PKN2: variants seen among roughly 807,000 people sequenced by gnomAD.
PKN2 encodes serine/threonine-protein kinase N2.
A neutral mutation model predicts 119.1 loss-of-function variants in PKN2; 38 were observed. The observed-to-expected ratio is 0.32, with a 90% CI of 0.25 to 0.42. The LOEUF (loss-of-function observed/expected upper bound fraction) is 0.42, where lower values mean the gene tolerates loss of function less well. Among genes scored for constraint, PKN2 ranks in the 10% least tolerant of loss-of-function variants. The pLI is 1.00. For synonymous variants in PKN2, 390 were observed against 384.9 expected (o/e 1.01, Z -0.15); for missense variants, 850 against 1,165.1 (o/e 0.73, Z 3.94).
Position 88,821,989 on chromosome 1 carries a change from CA to C in PKN2, c.2332del (p.Ile778LeufsTer6). 1 of 1,571,514 alleles carries C rather than the reference CA, an allele frequency of 6.4e-7. No individual in the cohort carries two copies. The highest frequency in any genetic ancestry group is 1.9e-5 in the Admixed American group (1 of 53,126). On this transcript the variant is annotated frameshift_variant, in exon 17 of 22. Coordinates refer to ENST00000370521, the MANE Select transcript of PKN2 (RefSeq NM_006256.4). LOFTEE classifies it high-confidence loss of function. ...VLGLQYLHEHKIVYRDLKLDN... is the reference protein window; with the variant it reads ...VLGLQYLHEHXIVYRDLKLDN... ...TTGGGTTGCAGTATTTACATGAACA[CA>C]AAATTGTTTATAGGTAAGTTAATTT...
intron 6 of PKN2, among the ~76,000 whole-genome samples, chr1:88,772,582 C>T (rs1164222867): frequency 1.3e-5 from 2 of 152,164 alleles, no homozygotes; most frequent in African/African-American, 4.8e-5. Context: ...ACCTATTTGT[C>T]AGAGCATATG....
chr1:88,770,513 T>C, intron 4 of PKN2, 44 bp downstream of exon 4: 2 of 990,292 alleles, frequency 2.0e-6, no homozygotes, highest in East Asian at 4.8e-5. Context: ...ATAATGGTGC[T>C]AAATAATCTT....
Position 88,684,487 on chromosome 1 carries a change from C to A in PKN2, c.-94C>A. ...TAGTTGTTTTTTTTTTTTTCTTTCT[C>A]TCCCCTCTCCTCACCCCCACCCCGA... On this transcript the variant is annotated 5_prime_UTR_variant, in exon 1 of 22. Coordinates refer to ENST00000370521, the MANE Select transcript of PKN2 (RefSeq NM_006256.4). The A allele has an allele frequency of 2.1e-5, 17 of 800,120 alleles. No individual in the cohort carries two copies. The highest frequency in any genetic ancestry group is 3.2e-5 in the Admixed American group (1 of 31,518). The allele number at this position is 800,120 out of a possible 1,614,324, so 49.6% of individuals were successfully genotyped here.
Position 88,828,477 on chromosome 1 carries a change from C to T in PKN2, c.2420-4C>T. The T allele has an allele frequency of 6.4e-7, 1 of 1,574,584 alleles. No individual in the cohort carries two copies. The highest frequency in any genetic ancestry group is 2.3e-5 in the East Asian group (1 of 44,154). On this transcript the variant is annotated splice_region_variant and splice_polypyrimidine_tract_variant and intron_variant, in intron 18 of 21. Coordinates refer to ENST00000370521, the MANE Select transcript of PKN2 (RefSeq NM_006256.4). ...AACAAATGTTTACATTTTATCTTTT[C>T]CAGGAATGGGATATGGAGATAGAAC...
intron 1 of PKN2, among the ~76,000 whole-genome samples, chr1:88,703,310 G>C (rs1319380244): frequency 6.6e-6 from 1 of 152,000 alleles, no homozygotes; most frequent in Non-Finnish European, 1.5e-5. Flanking sequence ...TCTAAAACGT[G>C]CAGATAGTTT....
At chr1:88,777,846 G>C (rs571333961) in intron 6 of PKN2, among the ~76,000 whole-genome samples, 12 of 152,256 alleles carry the variant, frequency 7.9e-5, no homozygotes, top group Non-Finnish European at 1.3e-4. Context: ...CCTTAAGACT[G>C]ACTGAACAGA....
intron 19 of PKN2, among the ~76,000 whole-genome samples, chr1:88,831,668 C>T (rs978844993): frequency 1.3e-5 from 2 of 151,834 alleles, no homozygotes; most frequent in African/African-American, 4.8e-5. Flanking sequence ...GCTCACTTTC[C>T]CTGGATATTG....
At chr1:88,743,049 A>G (rs923191269) in intron 2 of PKN2, among the ~76,000 whole-genome samples, 2 of 152,220 alleles carry the variant, frequency 1.3e-5, no homozygotes, top group East Asian at 3.9e-4. Flanking sequence ...AAATTAGTCG[A>G]CGTGGTGGCG....
chr1:88,793,302 A>G (rs558964111), intron 8 of PKN2, among the ~76,000 whole-genome samples: 1 of 152,284 alleles, frequency 6.6e-6, no homozygotes, highest in African/African-American at 2.4e-5. Context: ...ACATATATGC[A>G]TTCATGACAT....
intron 2 of PKN2, among the ~76,000 whole-genome samples, chr1:88,751,351 A>G (rs1668986397): frequency 6.6e-6 from 1 of 151,240 alleles, no homozygotes; most frequent in Non-Finnish European, 1.5e-5. Context: ...TCCCTTTTAT[A>G]TATACATACA....
intron 8 of PKN2, 101 bp downstream of exon 8, chr1:88,786,314 T>G: frequency 3.5e-6 from 2 of 567,982 alleles, no homozygotes; most frequent in Non-Finnish European, 6.1e-6. Context: ...TTAACAAGAA[T>G]AAAAATAGAA....
chr1:88,761,313 T>A (rs1557593598), intron 3 of PKN2, among the ~76,000 whole-genome samples: 1 of 151,996 alleles, frequency 6.6e-6, no homozygotes, highest in African/African-American at 2.4e-5. Flanking sequence ...TCATGTATTT[T>A]AAATATTTTT....
chr1:88,719,513 C>G (rs1667584529), intron 1 of PKN2, among the ~76,000 whole-genome samples: 1 of 152,076 alleles, frequency 6.6e-6, no homozygotes, highest in Non-Finnish European at 1.5e-5. Context: ...TTGTTGTATA[C>G]TTAAAAACAA....
intron 6 of PKN2, among the ~76,000 whole-genome samples, chr1:88,774,249 A>T (rs1314490647): frequency 6.6e-6 from 1 of 152,178 alleles, no homozygotes; most frequent in Non-Finnish European, 1.5e-5. Flanking sequence ...GGGTGTGCAG[A>T]ATTTTCATTG....
intron 2 of PKN2, among the ~76,000 whole-genome samples, chr1:88,745,022 C>T (rs1296708409): frequency 1.3e-5 from 2 of 152,076 alleles, no homozygotes; most frequent in African/African-American, 4.8e-5. Context: ...ATAAGAGTAT[C>T]CCCATAGGAG....
At chr1:88,717,131 C>T (rs1443826395) in intron 1 of PKN2, among the ~76,000 whole-genome samples, 4 of 152,182 alleles carry the variant, frequency 2.6e-5, no homozygotes, top group African/African-American at 4.8e-5. Flanking sequence ...CCCCCACTCT[C>T]TTCTGGCTTG....
intron 8 of PKN2, among the ~76,000 whole-genome samples, chr1:88,802,513 T>C (rs1229636561): frequency 2.6e-5 from 4 of 152,046 alleles, no homozygotes; most frequent in South Asian, 4.1e-4. Flanking sequence ...TTAGTAGAAA[T>C]GGGGTTTCAC....
intron 16 of PKN2, among the ~76,000 whole-genome samples, chr1:88,815,876 A>G (rs1671967734): frequency 6.6e-6 from 1 of 152,244 alleles, no homozygotes; most frequent in Non-Finnish European, 1.5e-5. Context: ...CGGTGGCTCC[A>G]TGCCTATAAT....
Position 88,798,738 on chromosome 1 carries a change from G to A in PKN2, c.1282-5653G>A, listed in dbSNP as rs567836322. On this transcript the variant is annotated intron_variant, in intron 8 of 21. Transcript: ENST00000370521. ...TCCAGAAGGAAGGATTAGAAGGAAT[G>A]GGGCAGAGGCCACATCTGAAGGAAT... Among the ~76,000 whole-genome samples the A allele has an allele frequency of 1.4e-4, 21 of 152,278 alleles. 1 individual carries two copies. The South Asian group carries it at 4.4e-3, about 32-fold the overall frequency.
Sources: gnomAD v4.1 joint callset for allele counts (sites outside exome capture counted in the v4.1 genomes callset) on GRCh38, gnomAD v4.1.1 for gene constraint, MANE v1.5 for transcripts, NCBI Gene and HGNC (gene_info 2026-07-23, HGNC 2026-07-21) for gene names.